Variants in SLC8A3 observed in about 807,000 individuals in gnomAD.
SLC8A3 encodes the protein sodium/calcium exchanger 3.
In SLC8A3, 37 loss-of-function variants were observed where a neutral mutation model predicts 65.4. That is an observed-to-expected ratio of 0.57 (90% CI 0.44 to 0.74). SLC8A3 has a LOEUF of 0.74. SLC8A3 is among the 30% of genes least tolerant of loss of function. SLC8A3 has a pLI of 0.00. For synonymous variants in SLC8A3, 461 were observed against 444.5 expected, an observed-to-expected ratio of 1.04 and a Z score of -0.47; for missense variants, 1,112 against 1,172.1, an observed-to-expected ratio of 0.95 and a Z score of 0.75.
At chr14:70,054,081 C>T (rs1253551318) in intron 3 of SLC8A3, among the ~76,000 whole-genome samples, 1 of 152,068 alleles carries the variant, frequency 6.6e-6, no homozygotes, top group Non-Finnish European at 1.5e-5. Flanking sequence ...ACTCTCAGTT[C>T]TAGGAACAGG....
At position 70,183,036 on chromosome 14, in the gene SLC8A3, T is replaced by A. The variant is rs115221630; in HGVS notation, c.-63+5343A>T. Among the ~76,000 whole-genome samples the A allele has an allele frequency of 2.8e-3, 433 of 152,286 alleles. 3 individuals carry two copies. The highest frequency in any genetic ancestry group is 9.8e-3 in the African/African-American group (408 of 41,544). On this transcript the variant is annotated intron_variant, in intron 1 of 6. Transcript: ENST00000356921. ...TGCTGACGAAGCTCACACTGTTTGG[T>A]TTCATTCTTTTGGACTTCGAGGTCC...
At chr14:70,185,786 A>G (rs985009157) in intron 1 of SLC8A3, among the ~76,000 whole-genome samples, 2 of 152,132 alleles carry the variant, frequency 1.3e-5, no homozygotes, top group African/African-American at 4.8e-5. Context: ...ACTTAATCAC[A>G]TACATAAATT....
chr14:70,055,870 T>C, intron 3 of SLC8A3: 1 of 1,498,898 alleles, frequency 6.7e-7, no homozygotes, highest in African/African-American at 1.4e-5. Flanking sequence ...AGCATTAATG[T>C]CCCATCTTGA....
intron 1 of SLC8A3, among the ~76,000 whole-genome samples, chr14:70,185,378 T>C (rs953869944): frequency 1.3e-5 from 2 of 152,226 alleles, no homozygotes; most frequent in African/African-American, 4.8e-5. Flanking sequence ...CTGGGGAACA[T>C]GCCTACTATC....
At chr14:70,062,666 A>T (rs1254645903) in intron 2 of SLC8A3, among the ~76,000 whole-genome samples, 2 of 152,370 alleles carry the variant, frequency 1.3e-5, no homozygotes, top group East Asian at 3.9e-4. Context: ...GTGATGCACG[A>T]CTGTACATTT....
At chr14:70,072,430 T>C (rs917434125) in intron 2 of SLC8A3, among the ~76,000 whole-genome samples, 6 of 129,410 alleles carry the variant, frequency 4.6e-5, no homozygotes, top group Non-Finnish European at 1.0e-4. Context: ...TTAAAGTAGA[T>C]GCCTTTTTTT....
At chr14:70,083,298 CAG>C (rs1193762867) in intron 2 of SLC8A3, among the ~76,000 whole-genome samples, 1 of 152,186 alleles carries the variant, frequency 6.6e-6, no homozygotes, top group Non-Finnish European at 1.5e-5. Context: ...CATGACCATT[CAG>C]AGTTTCCCAA....
intron 2 of SLC8A3, among the ~76,000 whole-genome samples, chr14:70,127,348 T>C (rs955456678): frequency 1.3e-5 from 2 of 151,948 alleles, no homozygotes; most frequent in African/African-American, 4.8e-5. Flanking sequence ...GCTGAGCAGG[T>C]AGACTTTTTG....
At chr14:70,108,838 A>G (rs937421758) in intron 2 of SLC8A3, among the ~76,000 whole-genome samples, 3 of 152,200 alleles carry the variant, frequency 2.0e-5, no homozygotes, top group Non-Finnish European at 4.4e-5. Flanking sequence ...GTCCTGCTAC[A>G]CTAACCTTCT....
At chr14:70,180,598 C>G (rs1882666072) in intron 1 of SLC8A3, among the ~76,000 whole-genome samples, 1 of 152,094 alleles carries the variant, frequency 6.6e-6, no homozygotes, top group Non-Finnish European at 1.5e-5. Flanking sequence ...GGAGAGAGTA[C>G]AGTGGTATGT....
chr14:70,145,583 T>TATACAGGGGA (rs1461847464), intron 2 of SLC8A3, among the ~76,000 whole-genome samples: 1 of 152,206 alleles, frequency 6.6e-6, no homozygotes, highest in African/African-American at 2.4e-5. Context: ...GCTGACTGAT[T>TATACAGGGGA]ATACAGGGGG....
At chr14:70,117,308 A>G (rs1468539480) in intron 2 of SLC8A3, among the ~76,000 whole-genome samples, 1 of 152,188 alleles carries the variant, frequency 6.6e-6, no homozygotes, top group Non-Finnish European at 1.5e-5. Context: ...ACTTGGAGAC[A>G]TTTCTGAAGG....
chr14:70,145,015 G>A (rs954058847), intron 2 of SLC8A3, among the ~76,000 whole-genome samples: 1 of 152,156 alleles, frequency 6.6e-6, no homozygotes, highest in Admixed American at 6.5e-5. Flanking sequence ...ACCTGTAAGA[G>A]CTCAGCTGGA....
intron 1 of SLC8A3, among the ~76,000 whole-genome samples, chr14:70,176,565 A>G (rs959133962): frequency 1.3e-5 from 2 of 152,270 alleles, no homozygotes; most frequent in Non-Finnish European, 2.9e-5. Context: ...TATTCCAGCC[A>G]TTAGAGACTT....
chr14:70,084,332 T>C (rs1891271912), intron 2 of SLC8A3, among the ~76,000 whole-genome samples: 1 of 152,212 alleles, frequency 6.6e-6, no homozygotes, highest in Non-Finnish European at 1.5e-5. Context: ...GTTGCTTCTT[T>C]AGCACACCCT....
At chr14:70,169,510 A>C (rs1030713279) in intron 1 of SLC8A3, among the ~76,000 whole-genome samples, 11 of 152,194 alleles carry the variant, frequency 7.2e-5, no homozygotes, top group Admixed American at 2.6e-4. Flanking sequence ...ACTAGAGACA[A>C]GATTTTGGGG....
intron 2 of SLC8A3, among the ~76,000 whole-genome samples, chr14:70,089,590 A>T (rs1269252619): frequency 6.6e-6 from 1 of 152,202 alleles, no homozygotes; most frequent in Admixed American, 6.5e-5. Context: ...GGGCATGCTG[A>T]CTTGGAGAAT....
At chr14:70,145,205 T>C (rs1235906969) in intron 2 of SLC8A3, among the ~76,000 whole-genome samples, 1 of 152,244 alleles carries the variant, frequency 6.6e-6, no homozygotes, top group Non-Finnish European at 1.5e-5. Flanking sequence ...ATTTCTTTTT[T>C]GGCTATTTGT....
intron 1 of SLC8A3, among the ~76,000 whole-genome samples, chr14:70,187,599 C>CTGTGTG (rs3053393): frequency 0.033 from 3,889 of 118,178 alleles, 119 homozygotes; most frequent in Admixed American, 0.098. Context: ...AGGGCTTTGA[C>CTGTGTG]TGTGTGTGTG....
Sources: allele counts gnomAD v4.1 joint callset (sites outside exome capture counted in the v4.1 genomes callset), GRCh38; gene constraint gnomAD v4.1.1; transcripts MANE v1.5; gene names NCBI Gene and HGNC (gene_info 2026-07-23, HGNC 2026-07-21).